Variants in RABGAP1L observed in about 807,000 individuals in gnomAD.
The protein encoded by RABGAP1L is rab GTPase-activating protein 1-like.
Under a neutral mutation model 137.7 loss-of-function variants are expected in RABGAP1L, and 63 were observed. The ratio of observed to expected loss-of-function variants is 0.46; its 90% CI spans 0.37 to 0.56. RABGAP1L has a LOEUF of 0.56. Ranked by LOEUF, RABGAP1L falls within the 20% of genes least tolerant of loss-of-function variation. The probability of loss-of-function intolerance (pLI) is 0.00; values close to 1 mark genes in which losing one functional copy is unlikely to be tolerated. For synonymous variants in RABGAP1L, 431 were observed against 433.7 expected (o/e 0.99, Z 0.08); for missense variants, 1,095 against 1,244.0 (o/e 0.88, Z 1.80).
chr1:174,297,647 G>C (rs1677249572), intron 10 of RABGAP1L, among the ~76,000 whole-genome samples: 1 of 152,262 alleles, frequency 6.6e-6, no homozygotes, highest in South Asian at 2.1e-4. Flanking sequence ...GCTGTTTTGG[G>C]GGAAATGGCA....
At chr1:174,867,484 A>T (rs575914307) in intron 19 of RABGAP1L, among the ~76,000 whole-genome samples, 1 of 152,286 alleles carries the variant, frequency 6.6e-6, no homozygotes, top group East Asian at 1.9e-4. Flanking sequence ...AAATTTTAAA[A>T]CTTCTATTTC....
At chr1:174,836,464 C>T (rs1301710002) in intron 19 of RABGAP1L, among the ~76,000 whole-genome samples, 4 of 152,226 alleles carry the variant, frequency 2.6e-5, no homozygotes. Flanking sequence ...ATCTTGATCT[C>T]TCTCTTCTTG....
intron 13 of RABGAP1L, chr1:174,548,069 C>A: frequency 6.5e-7 from 1 of 1,549,268 alleles, no homozygotes; most frequent in South Asian, 1.2e-5. Context: ...CGTCAGTGCT[C>A]TTGGCAGCTT....
intron 19 of RABGAP1L, among the ~76,000 whole-genome samples, chr1:174,876,230 T>C (rs1480216277): frequency 6.6e-6 from 1 of 152,208 alleles, no homozygotes; most frequent in African/African-American, 2.4e-5. Flanking sequence ...CTATTGGTAA[T>C]GAAGACTAAA....
At position 174,456,769 on chromosome 1, in the gene RABGAP1L, A is replaced by C. The variant is rs147743136; in HGVS notation, c.1710+62624A>C. Among the ~76,000 whole-genome samples, 438 of 152,282 alleles carry C rather than the reference A, an allele frequency of 2.9e-3. 4 individuals carry two copies. The highest frequency in any genetic ancestry group is 9.9e-3 in the African/African-American group (411 of 41,582). ...CGTTTCTAGTGTCTGTATCAGTTGA[A>C]TAAAAATGAGTTCCACTGAGTTATT... On this transcript the variant is annotated intron_variant, in intron 13 of 25. Transcript: ENST00000681986.
intron 19 of RABGAP1L, among the ~76,000 whole-genome samples, chr1:174,940,609 T>A (rs910841102): frequency 1.3e-5 from 2 of 152,152 alleles, no homozygotes; most frequent in Non-Finnish European, 2.9e-5. Context: ...CCCTTCTACT[T>A]TAGCATATAC....
intron 13 of RABGAP1L, among the ~76,000 whole-genome samples, chr1:174,625,030 C>T (rs1672840878): frequency 6.6e-6 from 1 of 152,020 alleles, no homozygotes. Flanking sequence ...TGACACCACA[C>T]CTGGCTAATT....
chr1:174,956,217 T>C (rs2149339292), intron 19 of RABGAP1L, among the ~76,000 whole-genome samples: 1 of 152,268 alleles, frequency 6.6e-6, no homozygotes, highest in South Asian at 2.1e-4. Context: ...TTGTTTGTTT[T>C]AAAAGACAGG....
chr1:174,305,659 T>A (rs939244483), intron 11 of RABGAP1L, among the ~76,000 whole-genome samples: 5 of 152,276 alleles, frequency 3.3e-5, no homozygotes, highest in African/African-American at 1.2e-4. Flanking sequence ...GTGCTGGGAT[T>A]ACAGGCGTGA....
chr1:174,310,865 C>T (rs1678762450), intron 11 of RABGAP1L, among the ~76,000 whole-genome samples: 2 of 152,056 alleles, frequency 1.3e-5, no homozygotes, highest in African/African-American at 4.8e-5. Context: ...CATATTCTCT[C>T]ATACTCATTC....
intron 13 of RABGAP1L, among the ~76,000 whole-genome samples, chr1:174,566,779 G>A (rs1416102585): frequency 6.6e-6 from 1 of 152,250 alleles, no homozygotes; most frequent in Middle Eastern, 3.4e-3. Flanking sequence ...TGTTGGGAAA[G>A]CAAGGCCTGG....
At chr1:174,949,246 G>A (rs1667363968) in intron 19 of RABGAP1L, among the ~76,000 whole-genome samples, 1 of 152,210 alleles carries the variant, frequency 6.6e-6, no homozygotes, top group Non-Finnish European at 1.5e-5. Context: ...GGAAAATGAT[G>A]TCAGATTTGC....
intron 14 of RABGAP1L, among the ~76,000 whole-genome samples, chr1:174,675,118 T>G (rs1677511962): frequency 6.6e-6 from 1 of 152,156 alleles, no homozygotes; most frequent in East Asian, 1.9e-4. Context: ...CAATTTTGGC[T>G]TTTGTTGCCA....
chr1:174,357,600 T>C (rs1273848592), intron 11 of RABGAP1L, among the ~76,000 whole-genome samples: 1 of 152,216 alleles, frequency 6.6e-6, no homozygotes, highest in Admixed American at 6.5e-5. Flanking sequence ...ATTAAAGTTT[T>C]ATATGTATTA....
intron 19 of RABGAP1L, among the ~76,000 whole-genome samples, chr1:174,952,912 A>T (rs1667935130): frequency 6.6e-6 from 1 of 151,400 alleles, no homozygotes; most frequent in Non-Finnish European, 1.5e-5. Context: ...ATTAGAAATA[A>T]CTCACTTTGG....
chr1:174,623,434 G>T (rs1672697239), intron 13 of RABGAP1L, among the ~76,000 whole-genome samples: 1 of 152,284 alleles, frequency 6.6e-6, no homozygotes, highest in African/African-American at 2.4e-5. Flanking sequence ...GCTCATGGAA[G>T]CTGACAGAAA....
At chr1:174,187,555 T>C (rs560167057) in intron 1 of RABGAP1L, among the ~76,000 whole-genome samples, 227 of 152,232 alleles carry the variant, frequency 1.5e-3, no homozygotes, top group Admixed American at 3.5e-3. Context: ...AATGGAAGTG[T>C]GTACATCCAA....
Position 174,976,150 on chromosome 1 carries a change from G to A in RABGAP1L, c.2617G>A (p.Glu873Lys). 6.4e-7 allele frequency: 1 copy of A among 1,550,960 alleles called. No individual in the cohort carries two copies. Among genetic ancestry groups the A allele is most frequent in the Non-Finnish European group, 8.7e-7 (1 of 1,147,052 alleles). ...TKQRLVETEE[E>K]KRKQEEETAQ... is the part of the protein sequence containing the mutation. ...ACAGAGGCTGGTGGAGACTGAAGAG[G>A]AGAAGAGGAAGCAAGAGGAAGAGAC... The change falls in exon 22 of 26, where the codon GAG becomes AAG. Residue 873 changes from glutamate (E) to lysine (K), a missense_variant. Transcript: ENST00000681986.
intron 16 of RABGAP1L, among the ~76,000 whole-genome samples, chr1:174,699,859 T>A (rs1420607909): frequency 6.6e-6 from 1 of 152,228 alleles, no homozygotes; most frequent in African/African-American, 2.4e-5. Context: ...TCTCACATTT[T>A]AAATGTTCAA....
Sources: allele counts gnomAD v4.1 joint callset (sites outside exome capture counted in the v4.1 genomes callset), GRCh38; gene constraint gnomAD v4.1.1; transcripts MANE v1.5; gene names NCBI Gene and HGNC (gene_info 2026-07-23, HGNC 2026-07-21).